HPSE: variants seen among roughly 807,000 people sequenced by gnomAD.
HPSE encodes heparanase.
A neutral mutation model predicts 65.1 loss-of-function variants in HPSE; 48 were observed. The observed-to-expected ratio is 0.74, with a 90% CI of 0.58 to 0.94. The LOEUF is 0.94. HPSE is among the 40% of genes least tolerant of loss of function. The pLI, the probability that HPSE is intolerant of heterozygous loss-of-function variation, is 0.00. For missense variants in HPSE, 644 were observed against 637.5 expected, an observed-to-expected ratio of 1.01 and a Z score of -0.11; for synonymous variants, 243 against 260.0, an observed-to-expected ratio of 0.93 and a Z score of 0.63.
intron 9 of HPSE, among the ~76,000 whole-genome samples, chr4:83,303,110 G>T (rs1184172128): frequency 4.6e-5 from 7 of 151,122 alleles, no homozygotes; most frequent in Non-Finnish European, 1.0e-4. Flanking sequence ...GACATTCTGT[G>T]CTTCCAGAAG....
rs558366874 is a variant in HPSE, at chr4:83,308,967, G to A, written c.985-16C>T. On this transcript the variant is annotated splice_polypyrimidine_tract_variant and intron_variant, in intron 7 of 11. Coordinates refer to ENST00000311412, the MANE Select transcript of HPSE (RefSeq NM_001098540.3). ...TCTCAACCACCTATAGAACAGAAAA[G>A]TATCCATGGTAATTGCAAAAAAGCT... The A allele has an allele frequency of 8.7e-5, 140 of 1,604,110 alleles. No individual in the cohort carries two copies. In the South Asian group the frequency reaches 1.5e-3, roughly 17 times the overall value.
intron 1 of HPSE, among the ~76,000 whole-genome samples, chr4:83,329,352 G>T (rs998088815): frequency 1.3e-5 from 2 of 152,194 alleles, no homozygotes; most frequent in Non-Finnish European, 2.9e-5. Flanking sequence ...AGAAAATATG[G>T]TTGGACTAAA....
chr4:83,301,125 A>G lies in HPSE; in HGVS notation c.1326-19T>C. ...CCTTGGACTAAAAGCAAAGAGGTTA[A>G]CTTAATAGAAATATGTATCTAATTT... On this transcript the variant is annotated intron_variant, in intron 10 of 11. Coordinates refer to ENST00000311412, the MANE Select transcript of HPSE (RefSeq NM_001098540.3). 6.6e-7 allele frequency: 1 copy of G among 1,504,654 alleles called. No homozygotes were observed. The highest frequency in any genetic ancestry group is 9.0e-7 in the Non-Finnish European group (1 of 1,106,212). 93.2% of individuals were successfully genotyped at this position (1,504,654 alleles called of 1,614,324 possible). A position where few individuals can be genotyped will look rare whatever the true frequency, so the allele number is the denominator to read the frequency against.
In HPSE at chr4:83,334,575, G is replaced by A. The variant is rs1179024771; in HGVS notation, c.208C>T (p.Arg70Trp). 6.3e-7 allele frequency: 1 copy of A among 1,586,774 alleles called. No individual in the cohort carries two copies. Among genetic ancestry groups the A allele is most frequent in the South Asian group, 1.2e-5 (1 of 86,860 alleles). Residue 70 changes from arginine to tryptophan, a missense_variant, in exon 1 of 12, where the codon CGG becomes TGG. Arg to Trp is a moderately radical substitution (Grantham distance 101). Coordinates refer to ENST00000311412, the MANE Select transcript of HPSE (RefSeq NM_001098540.3). ...GCTTACCCCAGGAGGATGAGGAACCGCGGGTCCGTGGCCAGGTTGGCGTCA... is the reference window on the plus strand; with the variant it reads ...GCTTACCCCAGGAGGATGAGGAACCACGGGTCCGTGGCCAGGTTGGCGTCA... Reference protein sequence around the residue: ...TIDANLATDPRFLILLGSPKL... With the variant: ...TIDANLATDPWFLILLGSPKL...
chr4:83,322,789 TTGTGTGTGTGTGTGTGTGTGTGTGTGTG>T (rs386400677), intron 1 of HPSE, among the ~76,000 whole-genome samples: 1,261 of 104,052 alleles, frequency 0.012, 19 homozygotes, highest in Admixed American at 0.02. Context: ...AAGAGCTTGT[TTGTGTGTGTGTGTGTGTGTGTGTGTGTG>T]TGTGTGTGTG....
chr4:83,300,873 G>T, intron 11 of HPSE, 87 bp downstream of exon 11: 7 of 627,698 alleles, frequency 1.1e-5, no homozygotes, highest in Non-Finnish European at 1.0e-5. Context: ...AGTTGACTTT[G>T]TCTTTTGCTC....
chr4:83,315,774 G>A (rs771010107), intron 3 of HPSE, among the ~76,000 whole-genome samples: 2 of 152,164 alleles, frequency 1.3e-5, no homozygotes, highest in Non-Finnish European at 2.9e-5. Flanking sequence ...AAAACTGTCT[G>A]TAAATCACAA....
rs1177654481 is a variant in HPSE, at chr4:83,308,921, C to T, written c.1015G>A (p.Val339Ile). 2.5e-6 allele frequency: 4 copies of T among 1,614,064 alleles called. No homozygotes were observed. The highest frequency in any genetic ancestry group is 3.3e-5 in the Admixed American group (2 of 60,000). ...VVESTRPGKKVWLGETSSAYG... is the reference protein window; with the variant it reads ...VVESTRPGKKIWLGETSSAYG... ...GCAGAGCTTGTTTCTCCTAACCAGA[C>T]CTTCTTGCCAGGCCTGGTGCTCTCA... The change falls in exon 8 of 12, where the codon GTC (valine) becomes ATC (isoleucine). Residue 339 changes from valine to isoleucine, a missense_variant. Physicochemically the swap from Val to Ile is conservative, Grantham distance 29. Coordinates refer to ENST00000311412, the MANE Select transcript of HPSE (RefSeq NM_001098540.3).
intron 1 of HPSE, among the ~76,000 whole-genome samples, chr4:83,324,805 T>C (rs1224348990): frequency 6.6e-6 from 1 of 151,672 alleles, no homozygotes; most frequent in Non-Finnish European, 1.5e-5. Flanking sequence ...GGGTACAGAG[T>C]TTCAGTTTGG....
intron 3 of HPSE, among the ~76,000 whole-genome samples, chr4:83,316,387 T>TC (rs1560511306): frequency 6.6e-6 from 1 of 151,280 alleles, no homozygotes; most frequent in African/African-American, 2.4e-5. Flanking sequence ...TACTCCTTAC[T>TC]CAAAATACGA....
chr4:83,318,529 T>C (rs192804474), intron 3 of HPSE, among the ~76,000 whole-genome samples: 4 of 152,112 alleles, frequency 2.6e-5, no homozygotes, highest in African/African-American at 9.6e-5. Flanking sequence ...AGCTACTCAA[T>C]AATCAATAAT....
At chr4:83,306,442 G>T in intron 8 of HPSE, 125 bp from the exon 9 acceptor site, 2 of 543,808 alleles carry the variant, frequency 3.7e-6, no homozygotes, top group East Asian at 6.3e-5. Flanking sequence ...TAGAGACAGG[G>T]TCTCACTCTG....
At chr4:83,312,940 TGAA>T (rs10617815) in intron 4 of HPSE, among the ~76,000 whole-genome samples, 171 bp downstream of exon 4, 109,622 of 136,518 alleles carry the variant, frequency 0.8, 43,875 homozygotes, top group East Asian at 0.88. Flanking sequence ...GAGAATGGCG[TGAA>T]TTTGGGAGGC....
chr4:83,312,684 A>T (rs1394747940), intron 4 of HPSE, among the ~76,000 whole-genome samples: 2 of 139,020 alleles, frequency 1.4e-5, no homozygotes, highest in East Asian at 4.4e-4. Context: ...TCTCAAAAAA[A>T]AAAAAAAAAA....
chr4:83,309,630 G>C (rs1578011444), intron 6 of HPSE, 135 bp from the exon 7 acceptor site: 1 of 640,152 alleles, frequency 1.6e-6, no homozygotes, highest in East Asian at 2.9e-5. Context: ...TTCTACTAGG[G>C]AAAGACCAAG....
In HPSE at chr4:83,319,482, G is replaced by A. The variant is rs376020974; in HGVS notation, c.374-13C>T. The A allele has an allele frequency of 1.2e-6, 2 of 1,612,576 alleles. No individual in the cohort carries two copies. The highest frequency in any genetic ancestry group is 8.5e-7 in the Non-Finnish European group (1 of 1,178,902). ...TATTTGCAAATATCTGCAAGTGGAA[G>A]AGATCATTTAGAAGGTCTGTTTTCA... On this transcript the variant is annotated splice_polypyrimidine_tract_variant and intron_variant, in intron 2 of 11. Transcript: ENST00000311412.
intron 1 of HPSE, among the ~76,000 whole-genome samples, chr4:83,328,165 T>C (rs984974389): frequency 6.6e-6 from 1 of 152,238 alleles, no homozygotes; most frequent in Non-Finnish European, 1.5e-5. Flanking sequence ...GCAAACTAAT[T>C]GGTTTGAACA....
Position 83,322,345 on chromosome 4 carries a change from A to C in HPSE, c.247T>G (p.Leu83Val). 6.2e-7 allele frequency: 1 copy of C among 1,613,228 alleles called. No individual in the cohort carries two copies. Among genetic ancestry groups the C allele is most frequent in the Admixed American group, 1.7e-5 (1 of 59,842 alleles). Reference protein sequence around the residue: ...ILLGSPKLRTLARGLSPAYLR... With the variant: ...ILLGSPKLRTVARGLSPAYLR... ...TACGCAGGAGACAAGCCTCTGGCCAAGGTACGAAGCTTTGGAGAACTGTTA... is the reference window on the plus strand; with the variant it reads ...TACGCAGGAGACAAGCCTCTGGCCACGGTACGAAGCTTTGGAGAACTGTTA... Residue 83 changes from leucine to valine, a missense_variant, in exon 2 of 12, where the codon TTG (leucine) becomes GTG (valine). Coordinates refer to ENST00000311412, the MANE Select transcript of HPSE (RefSeq NM_001098540.3).
At chr4:83,296,190 CTTA>C (rs1342754373) in intron 11 of HPSE, among the ~76,000 whole-genome samples, 1 of 152,104 alleles carries the variant, frequency 6.6e-6, no homozygotes, top group Non-Finnish European at 1.5e-5. Context: ...CTTATACATA[CTTA>C]TTATTTAAAT....
Sources: allele counts gnomAD v4.1 joint callset (sites outside exome capture counted in the v4.1 genomes callset), GRCh38; gene constraint gnomAD v4.1.1; transcripts MANE v1.5; gene names NCBI Gene and HGNC (gene_info 2026-07-23, HGNC 2026-07-21).